The following KCND1 variants were observed in gnomAD, a reference collection of about 807,000 sequenced individuals.
The protein encoded by KCND1 is potassium voltage-gated channel subfamily D member 1.
KCND1 carries 11 observed loss-of-function variants against 31.8 expected under a neutral mutation model. The ratio of observed to expected loss-of-function variants is 0.35; its 90% CI spans 0.22 to 0.57. The LOEUF is 0.57. Among genes scored for constraint, KCND1 ranks in the 20% least tolerant of loss-of-function variants. KCND1 has a pLI of 0.85. For missense variants in KCND1, 471 were observed against 596.8 expected, an observed-to-expected ratio of 0.79 and a Z score of 2.20; for synonymous variants, 234 against 248.1, an observed-to-expected ratio of 0.94 and a Z score of 0.53.
chrX:48,961,656 A>G lies in KCND1; in HGVS notation c.*925T>C, dbSNP rs2064320543. 1 of 112,127 alleles carries G rather than the reference A, an allele frequency of 8.9e-6. No homozygotes were observed. The highest frequency in any genetic ancestry group is 3.2e-5 in the African/African-American group (1 of 30,819). 9.2% of individuals were successfully genotyped at this position (112,127 alleles called of 1,213,427 possible). A position where few individuals can be genotyped will look rare whatever the true frequency, so the allele number is the denominator to read the frequency against. On this transcript the variant is annotated 3_prime_UTR_variant, in exon 6 of 6. Transcript: ENST00000218176. ...CCCTGATGCTTCTGGACTGTTGCCC[A>G]AGAACATGGAATCAGCCCATGATCT...
At position 48,962,817 on chromosome X, in the gene KCND1, G is replaced by A. The variant is rs1167276401; in HGVS notation, c.1719-11C>T. ...TTGAGGCTGGAACGGCTGTGGACAA[G>A]GGTGGAGAAGATGGAAGGCTCTTAA... On this transcript the variant is annotated splice_polypyrimidine_tract_variant and intron_variant, in intron 5 of 5. Transcript: ENST00000218176. The A allele has an allele frequency of 4.2e-6, 5 of 1,191,557 alleles. No homozygotes were observed. Among genetic ancestry groups the A allele is most frequent in the Non-Finnish European group, 5.7e-6 (5 of 879,025 alleles).
Position 48,969,770 on chromosome X carries a change from G to A in KCND1, c.502C>T (p.Leu168=). 8.3e-7 allele frequency: 1 copy of A among 1,209,379 alleles called. No homozygotes were observed. Among genetic ancestry groups the A allele is most frequent in the Non-Finnish European group, 1.1e-6 (1 of 894,555 alleles). Residue 168 remains leucine, a synonymous_variant, in exon 1 of 6, where the codon CTG becomes TTG. Transcript: ENST00000218176. ...DGPALPAGSS[L]RQRLWRAFEN... The stretch of plus-strand genomic sequence containing the variant: ...AAGGCCCGCCAGAGCCGCTGCCGCA[G>A]GGAGCTGCCTGCTGGCAGGGCTGGG...
chrX:48,964,979 G>A (rs782448157), intron 5 of KCND1, among the ~76,000 whole-genome samples: 40 of 92,266 alleles, frequency 4.3e-4, no homozygotes, highest in Middle Eastern at 7.1e-3. Context: ...CCGAGATCGC[G>A]CCACTGCACT....
chrX:48,971,200 C>T lies in KCND1; in HGVS notation c.-929G>A, dbSNP rs1428261605. 1 of 110,060 alleles carries T rather than the reference C, an allele frequency of 9.1e-6. No individual in the cohort carries two copies. Among genetic ancestry groups the T allele is most frequent in the African/African-American group, 3.3e-5 (1 of 30,181 alleles). The allele number at this position is 110,060 out of a possible 1,213,427, so 9.1% of individuals were successfully genotyped here. ...CTGGTCGACACTCTCAGGAGTTCTA[C>T]AGGGAGGAAAAAGGGGCCTGGGGAA... On this transcript the variant is annotated 5_prime_UTR_variant, in exon 1 of 6. Coordinates refer to ENST00000218176, the MANE Select transcript of KCND1 (RefSeq NM_004979.6).
chrX:48,966,869 C>T (rs1569518525), intron 2 of KCND1, 25 bp from the exon 3 acceptor site: 2 of 1,202,339 alleles, frequency 1.7e-6, no homozygotes, highest in Non-Finnish European at 1.1e-6. Context: ...GATAAAAGGT[C>T]AGGTGGGTAA....
rs868935529 is a variant in KCND1, at chrX:48,969,732, G to A, written c.540C>T (p.His180=). 2 of 1,209,485 alleles carry A rather than the reference G, an allele frequency of 1.7e-6. No homozygotes were observed. The highest frequency in any genetic ancestry group is 3.4e-5 in the African/African-American group (2 of 57,983). The change falls in exon 1 of 6, where the codon CAC becomes CAT. Residue 180 remains histidine, a synonymous_variant. Coordinates refer to ENST00000218176, the MANE Select transcript of KCND1 (RefSeq NM_004979.6). ...QRLWRAFENP[H]TSTAALVFYY... ...AGAAAACGAGGGCTGCGGTGCTCGTGTGTGGATTCTCGAAGGCCCGCCAGA... is the reference window on the plus strand; with the variant it reads ...AGAAAACGAGGGCTGCGGTGCTCGTATGTGGATTCTCGAAGGCCCGCCAGA...
intron 5 of KCND1, among the ~76,000 whole-genome samples, chrX:48,964,546 A>T (rs2064340328): frequency 9.3e-6 from 1 of 107,916 alleles, no homozygotes; most frequent in African/African-American, 3.4e-5. Flanking sequence ...AAATAAACAT[A>T]AAAAAATAAA....
chrX:48,965,053 CTTT>C (rs1181879673), intron 5 of KCND1, among the ~76,000 whole-genome samples: 1 of 84,055 alleles, frequency 1.2e-5, no homozygotes, highest in South Asian at 6.2e-4. Flanking sequence ...CTGCTGTATG[CTTT>C]TTTTTTTTTT....
At position 48,970,358 on chromosome X, in the gene KCND1, C is replaced by G. The variant is rs782718348; in HGVS notation, c.-87G>C. The G allele has an allele frequency of 1.7e-5, 15 of 877,038 alleles. No individual in the cohort carries two copies. In the Admixed American group the frequency reaches 5.8e-4, roughly 34 times the overall value. The allele number at this position is 877,038 out of a possible 1,213,427, so 72.3% of individuals were successfully genotyped here. A position where few individuals can be genotyped will look rare whatever the true frequency, so the allele number is the denominator to read the frequency against. On this transcript the variant is annotated 5_prime_UTR_variant, in exon 1 of 6. Coordinates refer to ENST00000218176, the MANE Select transcript of KCND1 (RefSeq NM_004979.6). ...CTCCAGGATGGTGGGGGCTTGGAGA[C>G]ACCTTGAGCCACCCAAACAAGGAAA...
intron 4 of KCND1, 127 bp from the exon 5 acceptor site, chrX:48,966,432 C>T (rs1392590554): frequency 8.8e-6 from 9 of 1,020,719 alleles, no homozygotes; most frequent in African/African-American, 5.7e-5. Flanking sequence ...GCCCATTCTT[C>T]AAGGCTTGGC....
chrX:48,962,484 G>A lies in KCND1; in HGVS notation c.*97C>T. 2 of 580,793 alleles carry A rather than the reference G, an allele frequency of 3.4e-6. No homozygotes were observed. The highest frequency in any genetic ancestry group is 5.5e-6 in the Non-Finnish European group (2 of 361,767). The allele number at this position is 580,793 out of a possible 1,213,427, so 47.9% of individuals were successfully genotyped here. ...AGTTCTCAGTGGGGGGGGCAGAAGG[G>A]GTGCCCAAGCCTGCCCCTCTCTGCC... On this transcript the variant is annotated 3_prime_UTR_variant, in exon 6 of 6. Coordinates refer to ENST00000218176, the MANE Select transcript of KCND1 (RefSeq NM_004979.6).
intron 5 of KCND1, 100 bp downstream of exon 5, chrX:48,965,955 C>G: frequency 3.1e-6 from 3 of 972,031 alleles, no homozygotes; most frequent in Non-Finnish European, 4.2e-6. Flanking sequence ...GGTTTGGGTT[C>G]GAGCTTGACT....
At chrX:48,967,668 C>T (rs1402358235) in intron 1 of KCND1, 2 of 111,085 alleles carry the variant, frequency 1.8e-5, no homozygotes, top group Non-Finnish European at 3.7e-5. Context: ...CAGAGAGCTC[C>T]CCTGAAGATC....
rs184026702 is a variant in KCND1 at position 48,970,344 on chromosome X, T to C, written c.-73A>G. 17,212 of 1,029,339 alleles carry C rather than the reference T, an allele frequency of 0.017. 151 individuals carry two copies. Among genetic ancestry groups the C allele is most frequent in the Middle Eastern group, 0.026 (76 of 2,968 alleles). 84.8% of individuals were successfully genotyped at this position (1,029,339 alleles called of 1,213,427 possible). On this transcript the variant is annotated 5_prime_UTR_variant, in exon 1 of 6. Transcript: ENST00000218176. ...GAGAATGTGGCTGTCTCCAGGATGG[T>C]GGGGGCTTGGAGACACCTTGAGCCA...
In KCND1 at chrX:48,966,239, T is replaced by C; in HGVS notation, c.1534A>G (p.Thr512Ala). The change falls in exon 5 of 6, where the codon ACC (threonine) becomes GCC (alanine). Residue 512 changes from threonine to alanine, a missense_variant. Physicochemically the swap from Thr to Ala is moderately conservative, Grantham distance 58. Around this residue, in one of 3 missense-constraint regions of KCND1, gnomAD observed 185 missense variants for 184.7 expected, o/e 1.00. Coordinates refer to ENST00000218176, the MANE Select transcript of KCND1 (RefSeq NM_004979.6). Reference sequence around the variant, plus strand: ...GAAGACACAGAGGTGCTACGGCTGGTGCGGCCACCCGGCGAGACGGCTCCC... The same window carrying C: ...GAAGACACAGAGGTGCTACGGCTGGCGCGGCCACCCGGCGAGACGGCTCCC... Reference protein sequence around the residue: ...ALGAVSPGGRTSRSTSVSSQP... With the variant: ...ALGAVSPGGRASRSTSVSSQP... 3 of 1,198,117 alleles carry C rather than the reference T, an allele frequency of 2.5e-6. No homozygotes were observed. Among genetic ancestry groups the C allele is most frequent in the Non-Finnish European group, 3.4e-6 (3 of 890,628 alleles).
chrX:48,969,722 C>T lies in KCND1; in HGVS notation c.550G>A (p.Ala184Thr), dbSNP rs1461767463. 4 of 1,208,636 alleles carry T rather than the reference C, an allele frequency of 3.3e-6. No individual in the cohort carries two copies. The highest frequency in any genetic ancestry group is 3.0e-5 in the East Asian group (1 of 33,730). The change falls in exon 1 of 6, where the codon GCA (alanine) becomes ACA (threonine). Residue 184 changes from alanine (A) to threonine (T), a missense_variant. Coordinates refer to ENST00000218176, the MANE Select transcript of KCND1 (RefSeq NM_004979.6). ...GTCACATAGTAGAAAACGAGGGCTGCGGTGCTCGTGTGTGGATTCTCGAAG... is the reference window on the plus strand; with the variant it reads ...GTCACATAGTAGAAAACGAGGGCTGTGGTGCTCGTGTGTGGATTCTCGAAG... ...RAFENPHTST[A>T]ALVFYYVTGF...
chrX:48,966,334 G>A, intron 4 of KCND1, 29 bp from the exon 5 acceptor site: 1 of 1,167,236 alleles, frequency 8.6e-7, no homozygotes, highest in South Asian at 1.9e-5. Context: ...CAGGGTCACG[G>A]GGCATCCCAT....
rs1156959923 is a variant in KCND1 at position 48,961,682 on chromosome X, C to T, written c.*899G>A. ...AGAACATGGAATCAGCCCATGATCT[C>T]CAAATACAGCCCAGCTCTTGCTGGT... On this transcript the variant is annotated 3_prime_UTR_variant, in exon 6 of 6. Coordinates refer to ENST00000218176, the MANE Select transcript of KCND1 (RefSeq NM_004979.6). The T allele has an allele frequency of 8.9e-6, 1 of 112,125 alleles. No homozygotes were observed. Among genetic ancestry groups the T allele is most frequent in the Non-Finnish European group, 1.9e-5 (1 of 53,200 alleles). 9.2% of individuals were successfully genotyped at this position (112,125 alleles called of 1,213,427 possible).
At chrX:48,963,921 G>A (rs1557057595) in intron 5 of KCND1, among the ~76,000 whole-genome samples, 1 of 111,970 alleles carries the variant, frequency 8.9e-6, no homozygotes, top group African/African-American at 3.3e-5. Flanking sequence ...TAGCTTCCTT[G>A]CTATGTCTCT....
Sources: allele counts gnomAD v4.1 joint callset (sites outside exome capture counted in the v4.1 genomes callset), GRCh38; gene constraint gnomAD v4.1.1; regional missense constraint gnomAD v4.1.1; transcripts MANE v1.5; gene names NCBI Gene and HGNC (gene_info 2026-07-23, HGNC 2026-07-21).